Variants in BNC2 observed in about 807,000 individuals in gnomAD.
The protein encoded by BNC2 is zinc finger protein basonuclin-2.
Under a neutral mutation model 76.3 loss-of-function variants are expected in BNC2, and 20 were observed. The observed-to-expected ratio is 0.26, with a 90% CI of 0.18 to 0.38. The LOEUF (loss-of-function observed/expected upper bound fraction) is 0.38, where lower values mean the gene tolerates loss of function less well. Ranked by LOEUF, BNC2 falls within the 10% of genes least tolerant of loss-of-function variation. BNC2 has a pLI of 1.00. For missense variants in BNC2, 1,382 were observed against 1,399.8 expected (o/e 0.99, Z 0.20); for synonymous variants, 582 against 514.8 (o/e 1.13, Z -1.77).
chr9:16,623,345 A>G (rs1454326462), intron 3 of BNC2, among the ~76,000 whole-genome samples: 1 of 152,190 alleles, frequency 6.6e-6, no homozygotes, highest in Admixed American at 6.5e-5. Context: ...AAATTCTAAT[A>G]CAAAGGTAGC....
intron 2 of BNC2, among the ~76,000 whole-genome samples, chr9:16,734,207 T>A (rs115815622): frequency 0.012 from 1,813 of 152,320 alleles, 42 homozygotes; most frequent in African/African-American, 0.041. Context: ...GCACGCCAAC[T>A]ACTGGATCTA....
intron 4 of BNC2, among the ~76,000 whole-genome samples, chr9:16,570,746 G>A (rs755235866): frequency 6.6e-6 from 1 of 152,144 alleles, no homozygotes; most frequent in South Asian, 2.1e-4. Flanking sequence ...TTCTCTATTA[G>A]TGGGCTGTTT....
At chr9:16,614,957 TTAAAAAAAA>T (rs2133482232) in intron 3 of BNC2, among the ~76,000 whole-genome samples, 1 of 60,748 alleles carries the variant, frequency 1.6e-5, no homozygotes, top group African/African-American at 7.4e-5. Flanking sequence ...CTCTGTCTCT[TTAAAAAAAA>T]AAAAAAAAAA....
chr9:16,696,767 G>T (rs1477303720), intron 3 of BNC2, among the ~76,000 whole-genome samples: 18 of 152,262 alleles, frequency 1.2e-4, no homozygotes, highest in African/African-American at 4.3e-4. Flanking sequence ...CATTATTCCA[G>T]CAGATCCTCA....
rs142904294 is a variant in BNC2, at chr9:16,810,520, T to C, written c.3+60126A>G. On this transcript the variant is annotated intron_variant, in intron 1 of 6. Transcript: ENST00000380672. ...GATGCTGCCGCTGCAGGCCAGGAGT[T>C]AAGCAGTGATGCACATTCATGGGGA... Among the ~76,000 whole-genome samples the C allele has an allele frequency of 1.3e-3, 191 of 152,338 alleles. 3 individuals are homozygous for C. The East Asian group carries it at 0.033, about 26-fold the overall frequency.
chr9:16,846,129 GACACCGTCTCAAAA>G (rs1818978176), intron 1 of BNC2, among the ~76,000 whole-genome samples: 1 of 131,016 alleles, frequency 7.6e-6, no homozygotes, highest in Non-Finnish European at 1.5e-5. Flanking sequence ...GACAGAGCGA[GACACCGTCTCAAAA>G]AAAAAAAAAA....
chr9:16,831,838 C>T (rs1818584733), intron 1 of BNC2, among the ~76,000 whole-genome samples: 1 of 152,176 alleles, frequency 6.6e-6, no homozygotes, highest in South Asian at 2.1e-4. Context: ...TAGAGACTCT[C>T]CCTAATGCTT....
chr9:16,607,930 G>C (rs1016363269), intron 3 of BNC2, among the ~76,000 whole-genome samples: 1 of 152,026 alleles, frequency 6.6e-6, no homozygotes, highest in African/African-American at 2.4e-5. Context: ...GGGTTCCCAG[G>C]ATCCCCAATT....
At chr9:16,790,711 C>T (rs1029547122) in intron 1 of BNC2, among the ~76,000 whole-genome samples, 1 of 152,030 alleles carries the variant, frequency 6.6e-6, no homozygotes, top group African/African-American at 2.4e-5. Flanking sequence ...TTCATCACAA[C>T]CACTTCATAA....
chr9:16,556,797 T>C (rs1473617657), intron 4 of BNC2, among the ~76,000 whole-genome samples: 1 of 151,984 alleles, frequency 6.6e-6, no homozygotes, highest in East Asian at 1.9e-4. Context: ...CTGCCTAACT[T>C]GCAAATTTCA....
chr9:16,547,192 G>C (rs1259840051), intron 5 of BNC2, among the ~76,000 whole-genome samples: 1 of 152,236 alleles, frequency 6.6e-6, no homozygotes, highest in Admixed American at 6.5e-5. Context: ...TTAAATACAA[G>C]TGTTTGCTTA....
intron 5 of BNC2, among the ~76,000 whole-genome samples, chr9:16,438,366 C>T (rs957378192): frequency 3.3e-5 from 5 of 152,146 alleles, no homozygotes; most frequent in African/African-American, 1.2e-4. Context: ...TGTCTCTCAG[C>T]ATCCTCCTCT....
rs1822035380 is a variant in BNC2 at position 16,480,790 on chromosome 9, A to AC, written c.670-43267dup. Among the ~76,000 whole-genome samples, 9 of 151,822 alleles carry AC rather than the reference A, an allele frequency of 5.9e-5. No individual in the cohort carries two copies. In the South Asian group the frequency reaches 1.7e-3, roughly 28 times the overall value. ...GCAGTCCGCCATGCCTGAGCCTCCC[A>AC]CCCCCTCCATGGGCTCCTGTGCGGC... On this transcript the variant is annotated intron_variant, in intron 5 of 6. Coordinates refer to ENST00000380672, the MANE Select transcript of BNC2 (RefSeq NM_017637.6).
intron 3 of BNC2, among the ~76,000 whole-genome samples, chr9:16,706,904 A>G (rs1475854223): frequency 1.3e-5 from 2 of 152,250 alleles, no homozygotes; most frequent in African/African-American, 4.8e-5. Flanking sequence ...TTTAATCTAT[A>G]TAAAATACAG....
intron 2 of BNC2, among the ~76,000 whole-genome samples, chr9:16,735,744 A>C (rs1824648002): frequency 6.6e-6 from 1 of 151,598 alleles, no homozygotes; most frequent in Non-Finnish European, 1.5e-5. Flanking sequence ...GCCTCAATTG[A>C]TCTGCCCGCC....
chr9:16,817,211 T>G (rs1231992360), intron 1 of BNC2, among the ~76,000 whole-genome samples: 4 of 152,168 alleles, frequency 2.6e-5, no homozygotes, highest in African/African-American at 7.2e-5. Context: ...CACAAGAGAC[T>G]GGTGTAGATT....
At chr9:16,448,691 G>A (rs1040561579) in intron 5 of BNC2, among the ~76,000 whole-genome samples, 2 of 152,124 alleles carry the variant, frequency 1.3e-5, no homozygotes, top group Non-Finnish European at 1.5e-5. Flanking sequence ...GTGTGTGACT[G>A]AACAGAAAGA....
intron 3 of BNC2, among the ~76,000 whole-genome samples, chr9:16,621,011 G>A (rs1294077211): frequency 1.3e-5 from 2 of 152,170 alleles, no homozygotes; most frequent in Admixed American, 6.6e-5. Flanking sequence ...CACAGAGCCA[G>A]GGAATAAAGC....
At chr9:16,539,487 C>T (rs1192449360) in intron 5 of BNC2, among the ~76,000 whole-genome samples, 1 of 149,142 alleles carries the variant, frequency 6.7e-6, no homozygotes, top group Non-Finnish European at 1.5e-5. Flanking sequence ...AAGATCATTC[C>T]ACTGCACTCC....
Sources: gnomAD v4.1 joint callset for allele counts (sites outside exome capture counted in the v4.1 genomes callset) on GRCh38, gnomAD v4.1.1 for gene constraint, MANE v1.5 for transcripts, NCBI Gene and HGNC (gene_info 2026-07-23, HGNC 2026-07-21) for gene names.